The following CMSS1 variants were observed in gnomAD, a reference collection of about 807,000 sequenced individuals.
CMSS1 encodes the protein protein CMSS1.
Under a neutral mutation model 43.5 loss-of-function variants are expected in CMSS1, and 33 were observed. The ratio of observed to expected loss-of-function variants is 0.76; its 90% CI spans 0.57 to 1.01. The LOEUF is 1.01. CMSS1 is among the 50% of genes least tolerant of loss of function. CMSS1 has a pLI of 0.00. For synonymous variants in CMSS1, 115 were observed against 117.2 expected, an observed-to-expected ratio of 0.98 and a Z score of 0.12; for missense variants, 313 against 326.4, an observed-to-expected ratio of 0.96 and a Z score of 0.32.
At chr3:100,144,749 AC>A (rs1327279412) in intron 1 of CMSS1, among the ~76,000 whole-genome samples, 9 of 152,148 alleles carry the variant, frequency 5.9e-5, no homozygotes, top group African/African-American at 2.2e-4. Flanking sequence ...AAGAGAGCAG[AC>A]TTTTGTTGGG....
At chr3:99,851,137 T>C (rs1236778900) in intron 1 of CMSS1, 10 of 1,242,172 alleles carry the variant, frequency 8.1e-6, no homozygotes, top group Non-Finnish European at 9.9e-6. Flanking sequence ...TGTACTTAAA[T>C]ATATATGTAA....
chr3:100,014,850 C>G (rs539157261), intron 1 of CMSS1, among the ~76,000 whole-genome samples: 1 of 128,348 alleles, frequency 7.8e-6, no homozygotes, highest in Non-Finnish European at 1.7e-5. Flanking sequence ...TTATCTGATG[C>G]AACACCATTT....
At position 100,181,141 on chromosome 3, in the gene CMSS1, C is replaced by G. The variant is rs898555725; in HGVS notation, c.*2753C>G. 2 of 152,194 alleles carry G rather than the reference C, an allele frequency of 1.3e-5. No individual in the cohort carries two copies. The highest frequency in any genetic ancestry group is 1.5e-5 in the Non-Finnish European group (1 of 68,044). 9.4% of individuals were successfully genotyped at this position (152,194 alleles called of 1,614,324 possible). A position where few individuals can be genotyped will look rare whatever the true frequency, so the allele number is the denominator to read the frequency against. ...TAATCACCTCCCACCAGATCCCTCC[C>G]CCAACACTGGGAATTACAATTCGAC... is the stretch of plus-strand genomic sequence containing the variant. On this transcript the variant is annotated 3_prime_UTR_variant, in exon 10 of 10. Transcript: ENST00000421999.
chr3:99,998,001 G>T (rs185126305), intron 1 of CMSS1, among the ~76,000 whole-genome samples: 2 of 152,194 alleles, frequency 1.3e-5, no homozygotes, highest in Non-Finnish European at 2.9e-5. Context: ...TCCTGCTAGA[G>T]CATAGAGCTA....
At chr3:100,006,498 CA>C (rs1479209214) in intron 1 of CMSS1, among the ~76,000 whole-genome samples, 1 of 152,068 alleles carries the variant, frequency 6.6e-6, no homozygotes, top group Non-Finnish European at 1.5e-5. Flanking sequence ...TTTTCTGCCC[CA>C]AAGTCTCCTT....
At chr3:99,955,199 G>A (rs1441640851) in intron 1 of CMSS1, among the ~76,000 whole-genome samples, 1 of 152,144 alleles carries the variant, frequency 6.6e-6, no homozygotes, top group African/African-American at 2.4e-5. Flanking sequence ...GAACCTGCAG[G>A]TCAGAACTCA....
chr3:100,084,601 A>G (rs1189585248), intron 1 of CMSS1, among the ~76,000 whole-genome samples: 1 of 152,184 alleles, frequency 6.6e-6, no homozygotes. Context: ...GAGCTTTATA[A>G]AGAGGAACTG....
chr3:100,153,364 C>G (rs1212984213), intron 2 of CMSS1, among the ~76,000 whole-genome samples: 2 of 152,246 alleles, frequency 1.3e-5, no homozygotes, highest in Non-Finnish European at 2.9e-5. Context: ...TCCTCCATGT[C>G]AGTGTATAGT....
intron 1 of CMSS1, among the ~76,000 whole-genome samples, chr3:100,101,735 A>G (rs1451144661): frequency 5.9e-5 from 9 of 152,000 alleles, no homozygotes; most frequent in African/African-American, 2.2e-4. Flanking sequence ...TCATCATTTA[A>G]CATTAGGTGT....
intron 1 of CMSS1, among the ~76,000 whole-genome samples, chr3:99,945,802 C>G (rs1026833773): frequency 6.6e-6 from 1 of 152,122 alleles, no homozygotes; most frequent in African/African-American, 2.4e-5. Context: ...CAACTTTAAC[C>G]CCAATTTTTT....
intron 1 of CMSS1, among the ~76,000 whole-genome samples, chr3:100,092,704 C>T (rs1226538920): frequency 6.7e-6 from 1 of 148,244 alleles, no homozygotes; most frequent in Non-Finnish European, 1.5e-5. Context: ...TTTAGGTTCT[C>T]CCTTTAGAGA....
At chr3:100,014,353 T>C (rs1710256359) in intron 1 of CMSS1, among the ~76,000 whole-genome samples, 1 of 152,160 alleles carries the variant, frequency 6.6e-6, no homozygotes, top group Non-Finnish European at 1.5e-5. Context: ...TTTGGCTATA[T>C]ACCCAAAAAT....
At chr3:99,954,522 C>T (rs1338264581) in intron 1 of CMSS1, among the ~76,000 whole-genome samples, 3 of 152,092 alleles carry the variant, frequency 2.0e-5, no homozygotes, top group African/African-American at 4.8e-5. Flanking sequence ...TCAATTTCCT[C>T]ATTATAAAAT....
At chr3:99,941,204 C>T (rs1290232899) in intron 1 of CMSS1, among the ~76,000 whole-genome samples, 4 of 151,684 alleles carry the variant, frequency 2.6e-5, no homozygotes, top group Non-Finnish European at 5.9e-5. Context: ...TTTTTTTAGA[C>T]ACACGGAGTT....
chr3:100,163,809 T>A lies in CMSS1; in HGVS notation c.355+1377T>A, dbSNP rs551105026. On this transcript the variant is annotated intron_variant, in intron 4 of 9. Coordinates refer to ENST00000421999, the MANE Select transcript of CMSS1 (RefSeq NM_032359.4). ...GTCATAAAATCAAACCATAAAAGTT[T>A]GGGTACAACTGCTTCAGATGAGCTA... 2.6e-5 allele frequency among the ~76,000 whole-genome samples: 4 copies of A among 152,304 alleles called. No homozygotes were observed. The East Asian group carries it at 7.7e-4, about 29-fold the overall frequency.
intron 1 of CMSS1, among the ~76,000 whole-genome samples, chr3:99,891,672 G>A (rs1205619171): frequency 1.3e-5 from 2 of 151,976 alleles, no homozygotes; most frequent in Non-Finnish European, 2.9e-5. Flanking sequence ...ATCTCATACC[G>A]AAAATCAGCC....
chr3:99,883,462 G>A (rs933933839), intron 1 of CMSS1, among the ~76,000 whole-genome samples: 1 of 152,154 alleles, frequency 6.6e-6, no homozygotes, highest in African/African-American at 2.4e-5. Flanking sequence ...ATTTCATCAT[G>A]ATTATTTCAG....
chr3:100,156,313 T>TC, intron 2 of CMSS1, among the ~76,000 whole-genome samples: 1 of 136,762 alleles, frequency 7.3e-6, no homozygotes, highest in African/African-American at 2.7e-5. Flanking sequence ...TTTTTTTTTT[T>TC]TTTTTTTTTT....
chr3:100,101,000 A>G (rs563240090), intron 1 of CMSS1, among the ~76,000 whole-genome samples: 1 of 152,306 alleles, frequency 6.6e-6, no homozygotes, highest in Non-Finnish European at 1.5e-5. Flanking sequence ...GTGTGATGAC[A>G]GTGGCATCTC....
Sources: gnomAD v4.1 joint callset for allele counts (sites outside exome capture counted in the v4.1 genomes callset) on GRCh38, gnomAD v4.1.1 for gene constraint, MANE v1.5 for transcripts, NCBI Gene and HGNC (gene_info 2026-07-23, HGNC 2026-07-21) for gene names.